DAPK2: variants seen among roughly 807,000 people sequenced by gnomAD.
DAPK2 encodes the protein death associated protein kinase 2, also known as death-associated protein kinase 2.
DAPK2 carries 35 observed loss-of-function variants against 44.1 expected under a neutral mutation model. The ratio of observed to expected loss-of-function variants is 0.79; its 90% CI spans 0.61 to 1.05. The LOEUF (loss-of-function observed/expected upper bound fraction) is 1.05, where lower values mean the gene tolerates loss of function less well. Ranked by LOEUF, DAPK2 falls within the 50% of genes least tolerant of loss-of-function variation. The pLI is 0.00. For missense variants in DAPK2, 453 were observed against 483.2 expected, an observed-to-expected ratio of 0.94 and a Z score of 0.59; for synonymous variants, 174 against 182.6, an observed-to-expected ratio of 0.95 and a Z score of 0.38.
chr15:63,945,953 C>T (rs985041981), intron 3 of DAPK2, among the ~76,000 whole-genome samples: 16 of 152,168 alleles, frequency 1.1e-4, no homozygotes, highest in African/African-American at 1.7e-4. Context: ...TGGGGCAGTC[C>T]GATTCTATCC....
intron 1 of DAPK2, among the ~76,000 whole-genome samples, chr15:64,001,619 C>G (rs1567265471): frequency 1.3e-5 from 2 of 152,134 alleles, no homozygotes; most frequent in African/African-American, 2.4e-5. Context: ...CTAGGAGCCC[C>G]GGGCTGTACT....
At chr15:63,974,230 A>G (rs1294236344) in intron 2 of DAPK2, among the ~76,000 whole-genome samples, 2 of 152,238 alleles carry the variant, frequency 1.3e-5, no homozygotes, top group Non-Finnish European at 2.9e-5. Flanking sequence ...CCTGTCAACA[A>G]AAAGAGTCAA....
intron 1 of DAPK2, among the ~76,000 whole-genome samples, chr15:64,009,595 C>T (rs1281797464): frequency 6.6e-6 from 1 of 152,112 alleles, no homozygotes; most frequent in Non-Finnish European, 1.5e-5. Context: ...CGTCTGCCTA[C>T]CCAAATGCTA....
intron 3 of DAPK2, among the ~76,000 whole-genome samples, chr15:63,950,593 T>A (rs144856077): frequency 6.6e-6 from 1 of 152,204 alleles, no homozygotes; most frequent in Admixed American, 6.5e-5. Flanking sequence ...TTTTTTTATT[T>A]TTTATTTTTT....
At chr15:63,974,201 C>G (rs557454214) in intron 2 of DAPK2, among the ~76,000 whole-genome samples, 1 of 152,220 alleles carries the variant, frequency 6.6e-6, no homozygotes, top group Non-Finnish European at 1.5e-5. Context: ...ATCTGGCAAC[C>G]CTACTTGGGC....
chr15:64,024,590 C>T (rs2079783185), intron 1 of DAPK2, among the ~76,000 whole-genome samples: 1 of 152,202 alleles, frequency 6.6e-6, no homozygotes, highest in African/African-American at 2.4e-5. Flanking sequence ...GTGGCAGAGC[C>T]AGGATCAGAC....
intron 8 of DAPK2, chr15:63,922,622 A>AT (rs2079107770): frequency 7.0e-7 from 1 of 1,431,092 alleles, no homozygotes; most frequent in Non-Finnish European, 9.1e-7. Flanking sequence ...CTGGAAGGCT[A>AT]TACTACAGAC....
At chr15:64,008,396 A>C (rs755000685) in intron 1 of DAPK2, among the ~76,000 whole-genome samples, 1 of 152,218 alleles carries the variant, frequency 6.6e-6, no homozygotes, top group Non-Finnish European at 1.5e-5. Context: ...ACAGAGTTAC[A>C]GTCACAGAGC....
At chr15:63,953,041 T>C (rs1595788449) in intron 3 of DAPK2, among the ~76,000 whole-genome samples, 1 of 152,018 alleles carries the variant, frequency 6.6e-6, no homozygotes, top group Middle Eastern at 3.4e-3. Flanking sequence ...GTTACATAAG[T>C]TCTTTAGTGG....
At chr15:63,938,867 A>C (rs1014934589) in intron 4 of DAPK2, among the ~76,000 whole-genome samples, 1 of 152,234 alleles carries the variant, frequency 6.6e-6, no homozygotes, top group Admixed American at 6.5e-5. Context: ...AAGCTAGTTC[A>C]GAGAAGGTTG....
chr15:64,000,186 T>TACACAC (rs3056828), intron 1 of DAPK2, among the ~76,000 whole-genome samples: 15 of 147,936 alleles, frequency 1.0e-4, no homozygotes, highest in Admixed American at 4.7e-4. Flanking sequence ...CTACTACTAC[T>TACACAC]ACACACACAC....
rs954924895 is a variant in DAPK2, at chr15:63,980,632, T to C, written c.314+2901A>G. Among the ~76,000 whole-genome samples the C allele has an allele frequency of 2.6e-5, 4 of 152,102 alleles. No homozygotes were observed. Among genetic ancestry groups the C allele is most frequent in the African/African-American group, 9.7e-5 (4 of 41,394 alleles). On this transcript the variant is annotated intron_variant, in intron 2 of 10. Transcript: ENST00000261891. This position sits in a 1 kb window ranked among gnomAD's most constrained non-coding sequence, Gnocchi z 4.3. ...AATTAAAAAGAAAAGGAGAAAATCA[T>C]GAGAAGAAAGTTGTTTTATCAGTAA...
intron 2 of DAPK2, among the ~76,000 whole-genome samples, chr15:63,981,841 G>A (rs2078524745): frequency 6.6e-6 from 1 of 152,178 alleles, no homozygotes; most frequent in African/African-American, 2.4e-5. Context: ...AAACATGGAG[G>A]ACACTGGGAG....
intron 1 of DAPK2, among the ~76,000 whole-genome samples, chr15:64,001,606 A>C (rs1384377852): frequency 4.0e-5 from 6 of 151,216 alleles, no homozygotes; most frequent in Non-Finnish European, 7.4e-5. Flanking sequence ...CCCCCTCCCC[A>C]CTCTAGGAGC....
In DAPK2 at chr15:63,990,078, C is replaced by T. The variant is rs1244571826; in HGVS notation, c.93-6324G>A. The stretch of plus-strand genomic sequence containing the variant: ...CACTCGCACTGCCACCCACCCTCAC[C>T]CTCTGTGGTAAGCCACAGCCAACCA... On this transcript the variant is annotated intron_variant, in intron 1 of 10. Coordinates refer to ENST00000261891, the Ensembl canonical transcript of DAPK2. This position sits in a 1 kb window ranked among gnomAD's most constrained non-coding sequence, Gnocchi z 4.3. Among the ~76,000 whole-genome samples, 1 of 152,182 alleles carries T rather than the reference C, an allele frequency of 6.6e-6. No individual in the cohort carries two copies. The highest frequency in any genetic ancestry group is 2.4e-5 in the African/African-American group (1 of 41,440).
chr15:63,949,193 C>A (rs779085483), intron 3 of DAPK2, among the ~76,000 whole-genome samples: 17 of 152,214 alleles, frequency 1.1e-4, no homozygotes, highest in Non-Finnish European at 2.4e-4. Flanking sequence ...TAAACCACAG[C>A]CTCTGGCTAC....
intron 1 of DAPK2, among the ~76,000 whole-genome samples, chr15:64,036,823 C>G (rs1462399052): frequency 2.0e-5 from 3 of 152,154 alleles, no homozygotes; most frequent in African/African-American, 7.2e-5. Flanking sequence ...CCCTGCTCTT[C>G]TTCCTGCAGT....
intron 2 of DAPK2, among the ~76,000 whole-genome samples, chr15:63,982,508 C>T (rs1367080113): frequency 6.6e-6 from 1 of 152,046 alleles, no homozygotes; most frequent in African/African-American, 2.4e-5. Flanking sequence ...TTATATAGTC[C>T]TTGCTGCTTG....
chr15:64,002,200 T>A (rs1285661180), intron 1 of DAPK2, among the ~76,000 whole-genome samples: 1 of 152,164 alleles, frequency 6.6e-6, no homozygotes, highest in Non-Finnish European at 1.5e-5. Flanking sequence ...CTGATCCCCA[T>A]CTGGTGGAAA....
Sources: allele counts gnomAD v4.1 joint callset (sites outside exome capture counted in the v4.1 genomes callset), GRCh38; gene constraint gnomAD v4.1.1; non-coding constraint Gnocchi (gnomAD v3.1); transcripts MANE v1.5; gene names NCBI Gene and HGNC (gene_info 2026-07-23, HGNC 2026-07-21).